Variants in MIR2052HG observed in about 807,000 individuals in gnomAD.
MIR2052HG encodes the protein MIR2052 host gene.
intron 5 of MIR2052HG, chr8:74,752,585 A>AT (rs1809959410): frequency 2.2e-6 from 1 of 444,886 alleles, no homozygotes; most frequent in Non-Finnish European, 4.5e-6. Context: ...TTCAATATTT[A>AT]TGTACTGTGG....
intron 2 of MIR2052HG, among the ~76,000 whole-genome samples, chr8:74,625,704 C>A (rs1233136695): frequency 1.3e-5 from 2 of 152,156 alleles, no homozygotes; most frequent in Non-Finnish European, 2.9e-5. Flanking sequence ...TTCTTACAAT[C>A]ATTTAAAGAC....
At chr8:74,703,116 G>T (rs182629523) in intron 3 of MIR2052HG, among the ~76,000 whole-genome samples, 1 of 152,106 alleles carries the variant, frequency 6.6e-6, no homozygotes, top group Non-Finnish European at 1.5e-5. Context: ...GAAAAAAAGT[G>T]GACGTGGCTA....
intron 4 of MIR2052HG, among the ~76,000 whole-genome samples, chr8:74,738,473 T>C (rs1187423193): frequency 1.3e-5 from 2 of 152,226 alleles, no homozygotes; most frequent in Non-Finnish European, 2.9e-5. Context: ...GTCTTCCAAA[T>C]ACCTGGTGGC....
Position 74,603,768 on chromosome 8 carries a change from G to A in MIR2052HG, n.128+3860G>A. On this transcript the variant is annotated intron_variant and non_coding_transcript_variant, in intron 1 of 6. Coordinates refer to ENST00000523442, the Ensembl canonical transcript of MIR2052HG. ...CCAACATGACCACACAGATCTGTTT[G>A]ACACACTCAATGATGGATTGTGGGA... 3.5e-6 allele frequency: 3 copies of A among 846,814 alleles called. No individual in the cohort carries two copies. In the South Asian group the frequency reaches 4.0e-5, roughly 11 times the overall value. 52.5% of individuals were successfully genotyped at this position (846,814 alleles called of 1,614,324 possible). A position where few individuals can be genotyped will look rare whatever the true frequency, so the allele number is the denominator to read the frequency against.
intron 2 of MIR2052HG, among the ~76,000 whole-genome samples, chr8:74,672,161 A>G (rs1586909649): frequency 6.6e-6 from 1 of 151,922 alleles, no homozygotes; most frequent in East Asian, 1.9e-4. Flanking sequence ...TTATACTTCT[A>G]TTTTTCTTAT....
chr8:74,724,472 T>C (rs1433522448), intron 4 of MIR2052HG, among the ~76,000 whole-genome samples: 1 of 152,166 alleles, frequency 6.6e-6, no homozygotes, highest in African/African-American at 2.4e-5. Context: ...TAGGCACCCA[T>C]TAAATTTGCT....
At chr8:74,618,292 T>C (rs1808313312) in intron 2 of MIR2052HG, among the ~76,000 whole-genome samples, 1 of 152,174 alleles carries the variant, frequency 6.6e-6, no homozygotes, top group African/African-American at 2.4e-5. Context: ...TCACTATCAG[T>C]TTTTACATAT....
At chr8:74,685,184 G>T (rs1809167807) in intron 2 of MIR2052HG, among the ~76,000 whole-genome samples, 1 of 151,974 alleles carries the variant, frequency 6.6e-6, no homozygotes, top group South Asian at 2.1e-4. Context: ...ATACACTAAA[G>T]AGCAGTTTAG....
chr8:74,602,717 A>G (rs544070869), intron 1 of MIR2052HG, among the ~76,000 whole-genome samples: 1 of 150,894 alleles, frequency 6.6e-6, no homozygotes, highest in African/African-American at 2.4e-5. Flanking sequence ...GAGTTTCACC[A>G]TGTTGGCCAG....
intron 2 of MIR2052HG, among the ~76,000 whole-genome samples, chr8:74,638,239 A>G (rs933564555): frequency 6.6e-6 from 1 of 152,160 alleles, no homozygotes; most frequent in African/African-American, 2.4e-5. Context: ...GAGCCTTCAA[A>G]TCTTCAAATA....
At chr8:74,635,908 A>T (rs946565960) in intron 2 of MIR2052HG, among the ~76,000 whole-genome samples, 1 of 152,200 alleles carries the variant, frequency 6.6e-6, no homozygotes, top group Non-Finnish European at 1.5e-5. Flanking sequence ...TGGTTTGCCA[A>T]TTTCTGAAAA....
intron 1 of MIR2052HG, among the ~76,000 whole-genome samples, chr8:74,602,876 T>TCTTTCTTTTCTTTCTTTC (rs1554570015): frequency 2.9e-4 from 40 of 137,098 alleles, no homozygotes; most frequent in Admixed American, 6.0e-4. Context: ...TTTCTTTCTT[T>TCTTTCTTTTCTTTCTTTC]TTTCTATTCA....
chr8:74,703,547 C>T (rs930653740), intron 3 of MIR2052HG: 4 of 399,314 alleles, frequency 1.0e-5, no homozygotes, highest in African/African-American at 8.4e-5. Flanking sequence ...AATTGTGACC[C>T]ATCCCCCTTC....
chr8:74,711,876 G>A (rs1018049972), intron 4 of MIR2052HG, among the ~76,000 whole-genome samples: 1 of 152,136 alleles, frequency 6.6e-6, no homozygotes, highest in Non-Finnish European at 1.5e-5. Context: ...GATGGAAATA[G>A]ACTGAACTCC....
chr8:74,622,943 C>A (rs1808383915), intron 2 of MIR2052HG, among the ~76,000 whole-genome samples: 1 of 152,094 alleles, frequency 6.6e-6, no homozygotes, highest in Non-Finnish European at 1.5e-5. Flanking sequence ...ACCACATGAT[C>A]TCACTTATAA....
chr8:74,632,778 C>T (rs575663677), intron 2 of MIR2052HG, among the ~76,000 whole-genome samples: 116 of 152,254 alleles, frequency 7.6e-4, no homozygotes, highest in Non-Finnish European at 1.3e-3. Context: ...AAATATTATA[C>T]ATGGCTCTTT....
chr8:74,681,895 T>C (rs1192658304), intron 2 of MIR2052HG, among the ~76,000 whole-genome samples: 1 of 152,148 alleles, frequency 6.6e-6, no homozygotes, highest in Non-Finnish European at 1.5e-5. Context: ...CATAAGTACA[T>C]GATAATTTGA....
In MIR2052HG at chr8:74,669,168, G is replaced by A. The variant is rs567492964; in HGVS notation, n.217-33211G>A. Among the ~76,000 whole-genome samples, 27 of 151,968 alleles carry A rather than the reference G, an allele frequency of 1.8e-4. No homozygotes were observed. In the South Asian group the frequency reaches 2.5e-3, roughly 14 times the overall value. ...TCAGAAATGAATCCTTGATTTTTAC[G>A]CCAAAATCTACTTGTATCAGAACTA... On this transcript the variant is annotated intron_variant and non_coding_transcript_variant, in intron 2 of 6. Transcript: ENST00000523442.
intron 4 of MIR2052HG, among the ~76,000 whole-genome samples, chr8:74,709,607 A>T (rs1809446931): frequency 6.6e-6 from 1 of 152,096 alleles, no homozygotes; most frequent in Non-Finnish European, 1.5e-5. Flanking sequence ...AATCTCTTAG[A>T]TTTCTATATT....
Sources: gnomAD v4.1 joint callset for allele counts (sites outside exome capture counted in the v4.1 genomes callset) on GRCh38, gnomAD v4.1.1 for gene constraint, MANE v1.5 for transcripts, NCBI Gene and HGNC (gene_info 2026-07-23, HGNC 2026-07-21) for gene names.